RANBP17: variants seen among roughly 807,000 people sequenced by gnomAD.
RANBP17 encodes the protein RAN binding protein 17.
In RANBP17, 158 loss-of-function variants were observed where a neutral mutation model predicts 141.2. That is an observed-to-expected ratio of 1.12 (90% CI 0.98 to 1.28). The LOEUF (loss-of-function observed/expected upper bound fraction) is 1.28. Ranked by LOEUF, RANBP17 falls within the 50% of genes most tolerant of loss-of-function variation. The pLI, the probability that RANBP17 is intolerant of heterozygous loss-of-function variation, is 0.00. For missense variants in RANBP17, 1,438 were observed against 1,290.7 expected (o/e 1.11, Z -1.75); for synonymous variants, 430 against 450.0 (o/e 0.96, Z 0.56).
intron 14 of RANBP17, among the ~76,000 whole-genome samples, chr5:171,049,060 C>G (rs1749157088): frequency 6.6e-6 from 1 of 152,152 alleles, no homozygotes; most frequent in African/African-American, 2.4e-5. Flanking sequence ...CGCCACACTG[C>G]TTTCCACAAT....
intron 14 of RANBP17, among the ~76,000 whole-genome samples, chr5:170,980,557 T>C (rs989254957): frequency 1.3e-5 from 2 of 152,148 alleles, no homozygotes; most frequent in Non-Finnish European, 2.9e-5. Flanking sequence ...AAGGGGCCAA[T>C]GTAGAGCTCA....
Position 171,267,026 on chromosome 5 carries a change from C to CTTTTT in RANBP17, c.2943+1195_2943+1199dup, listed in dbSNP as rs35762251. ...CTATACCATCACTATATTTTCTTTTCTTTTTTTTTTTTTTTTTTTTGAGAC... is the reference window on the plus strand; with the variant it reads ...CTATACCATCACTATATTTTCTTTTCTTTTTTTTTTTTTTTTTTTTTTTTTGAGAC... On this transcript the variant is annotated intron_variant, in intron 25 of 27. Transcript: ENST00000523189. Among the ~76,000 whole-genome samples, 691 of 114,574 alleles carry CTTTTT rather than the reference C, an allele frequency of 6.0e-3. 15 individuals carry two copies. Among genetic ancestry groups the CTTTTT allele is most frequent in the African/African-American group, 0.013 (339 of 26,956 alleles). 75.2% of individuals were successfully genotyped at this position (114,574 alleles called of 152,430 possible).
chr5:170,929,640 C>T (rs1773188680), intron 12 of RANBP17, among the ~76,000 whole-genome samples: 1 of 152,054 alleles, frequency 6.6e-6, no homozygotes, highest in Non-Finnish European at 1.5e-5. Context: ...TATTTTATAT[C>T]AGTGTTTATG....
chr5:171,091,992 G>A (rs913998289), intron 14 of RANBP17, among the ~76,000 whole-genome samples: 2 of 152,160 alleles, frequency 1.3e-5, no homozygotes, highest in African/African-American at 4.8e-5. Context: ...ACGGATTTTG[G>A]TATATGTGAG....
chr5:171,278,284 C>T (rs1387219774), intron 25 of RANBP17, among the ~76,000 whole-genome samples: 1 of 151,978 alleles, frequency 6.6e-6, no homozygotes. Context: ...TTTGGGAGGC[C>T]AAAGCGGGTG....
chr5:171,152,250 T>TA (rs572435373), intron 14 of RANBP17, among the ~76,000 whole-genome samples: 150 of 137,768 alleles, frequency 1.1e-3, no homozygotes, highest in Middle Eastern at 3.7e-3. Flanking sequence ...TCATCTCTAC[T>TA]AAAAAAAAAA....
chr5:171,253,011 C>T, intron 24 of RANBP17: 1 of 1,137,242 alleles, frequency 8.8e-7, no homozygotes, highest in Non-Finnish European at 1.3e-6. Context: ...TGAAGAGATA[C>T]TTTCTGCCGC....
chr5:170,895,094 C>T (rs769545806), intron 4 of RANBP17, among the ~76,000 whole-genome samples: 2 of 152,134 alleles, frequency 1.3e-5, no homozygotes, highest in Non-Finnish European at 2.9e-5. Context: ...TGTAGGAAAT[C>T]TGGAGCTCAG....
At chr5:170,932,687 C>T (rs75909663) in intron 12 of RANBP17, among the ~76,000 whole-genome samples, 102,422 of 151,504 alleles carry the variant, frequency 0.68, 34,787 homozygotes, top group South Asian at 0.9. Context: ...TTGTCTTTGG[C>T]TCTGTTTATA....
chr5:171,281,642 A>G (rs1767870453), intron 25 of RANBP17, among the ~76,000 whole-genome samples: 1 of 152,194 alleles, frequency 6.6e-6, no homozygotes, highest in Non-Finnish European at 1.5e-5. Flanking sequence ...GTGAGAAATG[A>G]AGAGGGAGGG....
chr5:171,044,579 A>G (rs1240826442), intron 14 of RANBP17, among the ~76,000 whole-genome samples: 1 of 152,056 alleles, frequency 6.6e-6, no homozygotes, highest in African/African-American at 2.4e-5. Context: ...AAATTTACTC[A>G]TAATAAAAAT....
At chr5:170,886,984 G>A (rs1161655731) in intron 3 of RANBP17, among the ~76,000 whole-genome samples, 1 of 151,838 alleles carries the variant, frequency 6.6e-6, no homozygotes, top group African/African-American at 2.4e-5. Flanking sequence ...TTTAAAAATT[G>A]TCATAAGTCT....
chr5:171,137,571 G>GGTGTGTGTGTGT (rs757634108), intron 14 of RANBP17, among the ~76,000 whole-genome samples: 101 of 62,894 alleles, frequency 1.6e-3, no homozygotes, highest in Non-Finnish European at 2.1e-3. Flanking sequence ...GTTGACTTGA[G>GGTGTGTGTGTGT]ATGTGTGTGT....
chr5:170,919,728 C>G lies in RANBP17; in HGVS notation c.1274+115C>G, dbSNP rs567145683. The G allele has an allele frequency of 5.1e-5, 35 of 692,812 alleles. No individual in the cohort carries two copies. The African/African-American group carries it at 6.0e-4, about 12-fold the overall frequency. The allele number at this position is 692,812 out of a possible 1,614,324, so 42.9% of individuals were successfully genotyped here. A position where few individuals can be genotyped will look rare whatever the true frequency, so the allele number is the denominator to read the frequency against. On this transcript the variant is annotated intron_variant, in intron 11 of 27. Coordinates refer to ENST00000523189, the MANE Select transcript of RANBP17 (RefSeq NM_022897.5). ...TAGCGTACAGTTGTATGATTTCTGA[C>G]AAGTGCACACAATTGTATAACTACC...
At chr5:171,298,204 G>T (rs374595955) in intron 27 of RANBP17, among the ~76,000 whole-genome samples, 1 of 152,026 alleles carries the variant, frequency 6.6e-6, no homozygotes, top group Non-Finnish European at 1.5e-5. Context: ...CTCATATTAG[G>T]TACCAAGACA....
chr5:171,056,327 A>G (rs1460436037), intron 14 of RANBP17, among the ~76,000 whole-genome samples: 1 of 152,130 alleles, frequency 6.6e-6, no homozygotes, highest in Middle Eastern at 3.2e-3. Context: ...CTGACTTATA[A>G]ACCACCTTTT....
intron 14 of RANBP17, among the ~76,000 whole-genome samples, chr5:171,064,623 A>G (rs1039550662): frequency 1.5e-4 from 23 of 152,172 alleles, no homozygotes; most frequent in African/African-American, 5.1e-4. Context: ...TAGCCTTCCA[A>G]GGAGCTGGGA....
intron 12 of RANBP17, among the ~76,000 whole-genome samples, chr5:170,933,487 T>G (rs2127461830): frequency 6.6e-6 from 1 of 152,322 alleles, no homozygotes; most frequent in South Asian, 2.1e-4. Context: ...CCTTCTCTAG[T>G]TCTTTTAATT....
At chr5:171,165,830 A>G (rs999150272) in intron 14 of RANBP17, among the ~76,000 whole-genome samples, 10 of 152,216 alleles carry the variant, frequency 6.6e-5, no homozygotes, top group Non-Finnish European at 7.3e-5. Flanking sequence ...GACTCTTCTT[A>G]CTGAATTTAT....
Sources: gnomAD v4.1 joint callset for allele counts (sites outside exome capture counted in the v4.1 genomes callset) on GRCh38, gnomAD v4.1.1 for gene constraint, MANE v1.5 for transcripts, NCBI Gene and HGNC (gene_info 2026-07-23, HGNC 2026-07-21) for gene names.